The following ZNF880 variants were observed in gnomAD, a reference collection of about 807,000 sequenced individuals.
ZNF880 encodes the protein zinc finger protein 880, also known as zinc finger protein LOC400713.
In ZNF880, 12 loss-of-function variants were observed where a neutral mutation model predicts 11.8. That is an observed-to-expected ratio of 1.02 (90% CI 0.65 to 1.65). ZNF880 has a LOEUF of 1.65. ZNF880 is among the 40% of genes most tolerant of loss of function. ZNF880 has a pLI of 0.00. For synonymous variants in ZNF880, 210 were observed against 232.4 expected (o/e 0.90, Z 0.88); for missense variants, 601 against 673.9 (o/e 0.89, Z 1.20).
chr19:52,395,210 C>A, the ZNF880 span, among the ~76,000 whole-genome samples: 1 of 152,152 alleles, frequency 6.6e-6, no homozygotes, highest in Non-Finnish European at 1.5e-5. Context: ...CCACACCCAG[C>A]CTGTCACTTT....
exon 1 of ZNF880, chr19:52,369,921 GCA>G: frequency 6.4e-7 from 1 of 1,551,456 alleles, no homozygotes; most frequent in Non-Finnish European, 8.7e-7. Context: ...AGCTGCGCGC[GCA>G]GTTTCCTGGA....
chr19:52,395,259 A>T, the ZNF880 span, among the ~76,000 whole-genome samples: 1 of 151,948 alleles, frequency 6.6e-6, no homozygotes, highest in Non-Finnish European at 1.5e-5. Context: ...GGAACCTTTC[A>T]TATTGTGTGG....
the ZNF880 span, among the ~76,000 whole-genome samples, chr19:52,394,068 T>A: frequency 6.6e-6 from 1 of 152,178 alleles, no homozygotes; most frequent in Admixed American, 6.5e-5. Context: ...CTCGATCTCC[T>A]GACCTCGTAG....
chr19:52,383,241 A>AGTT (rs1986754499), intron 3 of ZNF880, among the ~76,000 whole-genome samples: 1 of 152,212 alleles, frequency 6.6e-6, no homozygotes, highest in Non-Finnish European at 1.5e-5. Flanking sequence ...ATCTTAAGGC[A>AGTT]GTTGCTTTAA....
At chr19:52,369,880 C>T, upstream of ZNF880, 1 of 1,532,810 alleles carries the variant, frequency 6.5e-7, no homozygotes, top group Non-Finnish European at 8.8e-7. Context: ...TCCGCCCAAT[C>T]CCACCCGGGC....
chr19:52,395,372 T>C, the ZNF880 span, among the ~76,000 whole-genome samples: 1 of 152,194 alleles, frequency 6.6e-6, no homozygotes, highest in Admixed American at 6.5e-5. Flanking sequence ...TAAGGATTGG[T>C]AGGTGATCTT....
At position 52,374,568 on chromosome 19, in the gene ZNF880, C is replaced by T. The variant is rs576165518; in HGVS notation, c.268+141C>T. The T allele has an allele frequency of 3.1e-4, 312 of 1,018,178 alleles. 2 individuals are homozygous for T. The highest frequency in any genetic ancestry group is 6.0e-4 in the Middle Eastern group (3 of 4,966). 63.1% of individuals were successfully genotyped at this position (1,018,178 alleles called of 1,614,324 possible). A position where few individuals can be genotyped will look rare whatever the true frequency, so the allele number is the denominator to read the frequency against. On this transcript the variant is annotated intron_variant, in intron 3 of 3. Coordinates refer to ENST00000422689, the MANE Select transcript of ZNF880 (RefSeq NM_001145434.2). ...TAACTCATAGCCTCAAACTCCTGGT[C>T]TCAAGTGATCCTCCTTCCTCTGCTT...
chr19:52,374,127 G>A (rs572263235), intron 2 of ZNF880, among the ~76,000 whole-genome samples, 172 bp from the exon 3 acceptor site: 110 of 149,454 alleles, frequency 7.4e-4, no homozygotes, highest in Middle Eastern at 3.8e-3. Context: ...GTGCAGTGGC[G>A]CGATCTTGGC....
At chr19:52,387,835 T>A (rs1986927591), downstream of ZNF880, among the ~76,000 whole-genome samples, 1 of 123,094 alleles carries the variant, frequency 8.1e-6, no homozygotes, top group Non-Finnish European at 1.6e-5. Flanking sequence ...AGTGCATGTC[T>A]TTTTTTTTTT....
intron 3 of ZNF880, among the ~76,000 whole-genome samples, chr19:52,378,933 G>C (rs1437694146): frequency 1.3e-5 from 2 of 151,890 alleles, no homozygotes; most frequent in African/African-American, 4.8e-5. Flanking sequence ...TAAAAATTTG[G>C]CTGTGGTGGT....
Position 52,384,861 on chromosome 19 carries a change from A to C in ZNF880, c.1281A>C (p.Leu427=). ...ACTGTTCAGGCCTTACTGCCCATCT[A>C]CTAATTCACACTGGAGAGAAACCTT... ...FRDCSGLTAH[L]LIHTGEKPYK... Residue 427 remains leucine (L), a synonymous_variant, in exon 4 of 4, where the codon CTA becomes CTC. Coordinates refer to ENST00000422689, the MANE Select transcript of ZNF880 (RefSeq NM_001145434.2). The C allele has an allele frequency of 6.2e-7, 1 of 1,611,582 alleles. No individual in the cohort carries two copies. Among genetic ancestry groups the C allele is most frequent in the South Asian group, 1.1e-5 (1 of 90,720 alleles).
At chr19:52,386,034 G>GT (rs1185206377), downstream of ZNF880, among the ~76,000 whole-genome samples, 22 of 142,418 alleles carry the variant, frequency 1.5e-4, 2 homozygotes, top group South Asian at 3.0e-3. Flanking sequence ...AATTAGCCAG[G>GT]CATGGTGGCA....
At chr19:52,391,618 T>C in the ZNF880 span, 1 of 152,140 alleles carries the variant, frequency 6.6e-6, no homozygotes, top group South Asian at 2.1e-4. Context: ...GATGAATTGA[T>C]TGGATATTAT....
intron 1 of ZNF880, among the ~76,000 whole-genome samples, chr19:52,371,347 A>AT (rs1320694526): frequency 6.6e-6 from 1 of 151,004 alleles, no homozygotes; most frequent in Non-Finnish European, 1.5e-5. Context: ...TTATTGTTTG[A>AT]TGTTTTTTTT....
Position 52,369,996 on chromosome 19 carries a change from A to T in ZNF880, c.12+19A>T. The T allele has an allele frequency of 6.4e-7, 1 of 1,551,542 alleles. No individual in the cohort carries two copies. Among genetic ancestry groups the T allele is most frequent in the Non-Finnish European group, 8.7e-7 (1 of 1,146,990 alleles). ...GCGGCGTGTGAGTTTCCCTTTGTTT[A>T]GATTAAATCTGGGATGCTGAGTCCC... On this transcript the variant is annotated intron_variant, in intron 1 of 3. Transcript: ENST00000422689.
intron 2 of ZNF880, 63 bp from the exon 3 acceptor site, chr19:52,374,236 G>A: frequency 1.0e-5 from 14 of 1,358,638 alleles, no homozygotes; most frequent in Non-Finnish European, 1.4e-5. Flanking sequence ...GTATTTTTTA[G>A]TAGAGATGGG....
At chr19:52,370,350 G>C (rs181301510) in intron 1 of ZNF880, 2 of 269,984 alleles carry the variant, frequency 7.4e-6, no homozygotes, top group South Asian at 6.2e-5. Context: ...CCCCTTTTCT[G>C]TGCCTTAAAT....
chr19:52,376,328 A>G (rs1353064526), intron 3 of ZNF880, among the ~76,000 whole-genome samples: 1 of 151,952 alleles, frequency 6.6e-6, no homozygotes, highest in Non-Finnish European at 1.5e-5. Flanking sequence ...AACATGTAGT[A>G]TGTTTTGATT....
the ZNF880 span, chr19:52,392,819 G>GTATATA: frequency 5.5e-6 from 1 of 181,294 alleles, no homozygotes; most frequent in East Asian, 1.5e-4. Context: ...AGTGGAAGCT[G>GTATATA]TATATATATA....
Sources: allele counts gnomAD v4.1 joint callset (sites outside exome capture counted in the v4.1 genomes callset), GRCh38; gene constraint gnomAD v4.1.1; transcripts MANE v1.5; gene names NCBI Gene and HGNC (gene_info 2026-07-23, HGNC 2026-07-21).